Variants in KAZN observed in about 807,000 individuals in gnomAD.
KAZN encodes the protein kazrin.
KAZN carries 40 observed loss-of-function variants against 87.4 expected under a neutral mutation model. The ratio of observed to expected loss-of-function variants is 0.46; its 90% CI spans 0.36 to 0.60. KAZN has a LOEUF of 0.60. Among genes scored for constraint, KAZN ranks in the 20% least tolerant of loss-of-function variants. The probability of loss-of-function intolerance (pLI) is 0.00; values close to 1 mark genes in which losing one functional copy is unlikely to be tolerated. For synonymous variants in KAZN, 466 were observed against 458.3 expected, an observed-to-expected ratio of 1.02 and a Z score of -0.22; for missense variants, 898 against 1,073.9, an observed-to-expected ratio of 0.84 and a Z score of 2.29.
intron 2 of KAZN, among the ~76,000 whole-genome samples, chr1:14,994,373 G>A (rs1667668706): frequency 6.6e-6 from 1 of 152,210 alleles, no homozygotes; most frequent in South Asian, 2.1e-4. Context: ...TTGTACCACT[G>A]CCTTCAACAG....
At chr1:14,074,743 T>C (rs906401092) in intron 1 of KAZN, among the ~76,000 whole-genome samples, 4 of 152,218 alleles carry the variant, frequency 2.6e-5, no homozygotes, top group Non-Finnish European at 5.9e-5. Context: ...GAATCCTAAT[T>C]GCATACATTT....
chr1:14,235,860 T>C (rs915490229), intron 2 of KAZN, among the ~76,000 whole-genome samples: 3 of 152,114 alleles, frequency 2.0e-5, no homozygotes, highest in Non-Finnish European at 4.4e-5. Flanking sequence ...TCCAGTCTCT[T>C]TTTGAGCAAC....
intron 2 of KAZN, among the ~76,000 whole-genome samples, chr1:14,228,506 C>G (rs546250722): frequency 5.9e-5 from 9 of 152,200 alleles, no homozygotes; most frequent in Admixed American, 1.3e-4. Context: ...TCACTGGGAG[C>G]CATTTGCTCA....
intron 1 of KAZN, among the ~76,000 whole-genome samples, chr1:14,021,080 C>T (rs1640804797): frequency 1.3e-5 from 2 of 152,190 alleles, no homozygotes; most frequent in Non-Finnish European, 2.9e-5. Context: ...AACCTCAACA[C>T]TACTGATGTT....
At chr1:14,798,201 C>A (rs2014618) in intron 1 of KAZN, among the ~76,000 whole-genome samples, 1 of 151,952 alleles carries the variant, frequency 6.6e-6, no homozygotes, top group Non-Finnish European at 1.5e-5. Context: ...TCAATGCAAA[C>A]GGGAAAGGAG....
chr1:14,734,061 G>T (rs1027675443), intron 1 of KAZN, among the ~76,000 whole-genome samples: 2 of 152,182 alleles, frequency 1.3e-5, no homozygotes, highest in African/African-American at 4.8e-5. Context: ...TGCCGGGTGA[G>T]CAGTGGGAAT....
chr1:14,490,525 G>A (rs571948085), intron 2 of KAZN, among the ~76,000 whole-genome samples: 2 of 151,894 alleles, frequency 1.3e-5, no homozygotes, highest in African/African-American at 4.8e-5. Flanking sequence ...ATGGAGTCTC[G>A]CTCTGTCACC....
In KAZN at chr1:14,598,985, CA is replaced by C. The variant is rs1269067831; in HGVS notation, c.-9del. 3 of 1,567,328 alleles carry C rather than the reference CA, an allele frequency of 1.9e-6. No homozygotes were observed. Among genetic ancestry groups the C allele is most frequent in the South Asian group, 1.2e-5 (1 of 86,122 alleles). ...TTTGTCACCTCTCTCGCCCCCAGGC[CA>C]AAATCCTGAGCATGATGGAAGACAA... On this transcript the variant is annotated 5_prime_UTR_variant, in exon 1 of 15. An upstream open reading frame in the 5' UTR loses its in-frame stop. Transcript: ENST00000376030. The surrounding 1 kb of genome is among the most constrained non-coding windows in gnomAD (Gnocchi z 4.2).
At chr1:14,745,606 G>A (rs1644243242) in intron 1 of KAZN, among the ~76,000 whole-genome samples, 1 of 152,152 alleles carries the variant, frequency 6.6e-6, no homozygotes, top group African/African-American at 2.4e-5. Context: ...GCTTCTCGGG[G>A]CTATACACTT....
chr1:14,828,508 T>A (rs886610399), intron 1 of KAZN, among the ~76,000 whole-genome samples: 3 of 152,184 alleles, frequency 2.0e-5, no homozygotes, highest in Admixed American at 6.5e-5. Context: ...CTGGGATTGA[T>A]TCTCTGCTCA....
chr1:14,971,095 G>C (rs141850060), intron 2 of KAZN, among the ~76,000 whole-genome samples: 1 of 152,292 alleles, frequency 6.6e-6, no homozygotes, highest in Non-Finnish European at 1.5e-5. Flanking sequence ...ATGGGGATGA[G>C]AGAGGTTAAG....
intron 2 of KAZN, among the ~76,000 whole-genome samples, chr1:14,556,956 G>A (rs942976738): frequency 6.6e-6 from 1 of 152,182 alleles, no homozygotes; most frequent in Admixed American, 6.5e-5. Flanking sequence ...CAGACCATTT[G>A]GAAGCTGAAA....
intron 2 of KAZN, among the ~76,000 whole-genome samples, chr1:14,470,587 CAGAG>C (rs201773092): frequency 6.6e-6 from 1 of 151,960 alleles, no homozygotes; most frequent in Non-Finnish European, 1.5e-5. Context: ...GGACCCTATG[CAGAG>C]AGAGAGAGGA....
At position 15,096,676 on chromosome 1, in the gene KAZN, C is replaced by T. The variant is rs1640820535; in HGVS notation, c.1547+1743C>T. ...GTTGGGACCTGGGGAGGGCTCTCTT[C>T]CTGGCTTGCAGAAGGCAACCTTCTT... On this transcript the variant is annotated intron_variant, in intron 10 of 14. Transcript: ENST00000376030. This position sits in a 1 kb window ranked among gnomAD's most constrained non-coding sequence, Gnocchi z 4.5. Among the ~76,000 whole-genome samples, 1 of 152,184 alleles carries T rather than the reference C, an allele frequency of 6.6e-6. No homozygotes were observed. Among genetic ancestry groups the T allele is most frequent in the Non-Finnish European group, 1.5e-5 (1 of 68,038 alleles).
chr1:14,377,398 C>G (rs979360283), intron 2 of KAZN, among the ~76,000 whole-genome samples: 3 of 152,194 alleles, frequency 2.0e-5, no homozygotes, highest in African/African-American at 7.2e-5. Flanking sequence ...AGCGATTGGT[C>G]TCATTCGCCT....
chr1:14,062,450 C>A (rs1642832964), intron 1 of KAZN, among the ~76,000 whole-genome samples: 2 of 152,082 alleles, frequency 1.3e-5, no homozygotes, highest in Admixed American at 6.5e-5. Context: ...TTGTTAGGGT[C>A]TTGTCTGATG....
intron 2 of KAZN, among the ~76,000 whole-genome samples, chr1:14,220,780 C>G (rs1647079297): frequency 6.6e-6 from 1 of 152,112 alleles, no homozygotes; most frequent in South Asian, 2.1e-4. Flanking sequence ...ATAGATAGTC[C>G]CACATTTATC....
chr1:13,922,012 T>G (rs1464633126), intron 1 of KAZN, among the ~76,000 whole-genome samples: 1 of 152,148 alleles, frequency 6.6e-6, no homozygotes, highest in Non-Finnish European at 1.5e-5. Context: ...TCCATGTGTC[T>G]TTTCCTTTTG....
intron 1 of KAZN, among the ~76,000 whole-genome samples, chr1:14,879,581 A>G (rs1239531950): frequency 6.6e-6 from 1 of 152,192 alleles, no homozygotes; most frequent in Non-Finnish European, 1.5e-5. Context: ...CTCTGATTTC[A>G]GGATCAGAAA....
Sources: allele counts gnomAD v4.1 joint callset (sites outside exome capture counted in the v4.1 genomes callset), GRCh38; gene constraint gnomAD v4.1.1; non-coding constraint Gnocchi (gnomAD v3.1); transcripts MANE v1.5; gene names NCBI Gene and HGNC (gene_info 2026-07-23, HGNC 2026-07-21).